Variants in LRRC4C observed in about 807,000 individuals in gnomAD.
LRRC4C encodes leucine-rich repeat-containing protein 4C.
LRRC4C carries 5 observed loss-of-function variants against 33.6 expected under a neutral mutation model. The observed-to-expected ratio is 0.15, with a 90% CI of 0.08 to 0.31. The LOEUF is 0.31. Among genes scored for constraint, LRRC4C ranks in the 10% least tolerant of loss-of-function variants. The probability of loss-of-function intolerance (pLI) is 1.00; values close to 1 mark genes in which losing one functional copy is unlikely to be tolerated. For synonymous variants in LRRC4C, 329 were observed against 302.0 expected, an observed-to-expected ratio of 1.09 and a Z score of -0.93; for missense variants, 560 against 796.7, an observed-to-expected ratio of 0.70 and a Z score of 3.58.
chr11:40,193,043 G>A (rs571603870), intron 5 of LRRC4C, among the ~76,000 whole-genome samples: 11 of 152,314 alleles, frequency 7.2e-5, no homozygotes, highest in African/African-American at 2.4e-4. Flanking sequence ...AGACTTAAAT[G>A]TTCCCGTATG....
chr11:41,415,909 A>G (rs892764489), intron 1 of LRRC4C, among the ~76,000 whole-genome samples: 2 of 151,990 alleles, frequency 1.3e-5, no homozygotes, highest in African/African-American at 4.8e-5. Flanking sequence ...AGAGGTAAGG[A>G]GGATTATTTC....
At chr11:40,677,154 G>C (rs1385745674) in intron 2 of LRRC4C, among the ~76,000 whole-genome samples, 2 of 152,124 alleles carry the variant, frequency 1.3e-5, no homozygotes, top group African/African-American at 4.8e-5. Context: ...GGGAGGCAGA[G>C]AGGGGTGGAT....
intron 5 of LRRC4C, among the ~76,000 whole-genome samples, chr11:40,154,834 C>T (rs1269724213): frequency 6.6e-6 from 1 of 152,150 alleles, no homozygotes; most frequent in Non-Finnish European, 1.5e-5. Context: ...TGGATTTAAA[C>T]TATACCTTGG....
chr11:40,356,968 T>G (rs117711688), intron 3 of LRRC4C, among the ~76,000 whole-genome samples: 2,554 of 152,290 alleles, frequency 0.017, 33 homozygotes, highest in Non-Finnish European at 0.025. Flanking sequence ...TTAAGTAACT[T>G]GTTCAAGGTC....
At chr11:41,214,911 G>A (rs1019210642) in intron 1 of LRRC4C, among the ~76,000 whole-genome samples, 7 of 146,652 alleles carry the variant, frequency 4.8e-5, no homozygotes, top group Non-Finnish European at 1.0e-4. Flanking sequence ...AAATAGAAAT[G>A]TTTATAAAGA....
In LRRC4C at chr11:40,115,292, G is replaced by A. The variant is rs1032228641; in HGVS notation, c.1001C>T (p.Pro334Leu). ...TCCAATGTACCTCCCCTTTAGATTG[G>A]GAGGAGTGTTACACCGGGCACAACA... ...TACCARCNTP[P>L]NLKGRYIGEL... The change falls in exon 7 of 7, where the codon CCC (proline) becomes CTC (leucine). Residue 334 changes from proline (P) to leucine (L), a missense_variant. Pro to Leu is a moderately conservative substitution (Grantham distance 98). Transcript: ENST00000528697. This position sits in a 1 kb window ranked among gnomAD's most constrained non-coding sequence, Gnocchi z 6.7. 7 of 1,614,040 alleles carry A rather than the reference G, an allele frequency of 4.3e-6. No individual in the cohort carries two copies. Among genetic ancestry groups the A allele is most frequent in the Admixed American group, 1.7e-5 (1 of 59,988 alleles).
intron 1 of LRRC4C, among the ~76,000 whole-genome samples, chr11:41,108,263 G>C (rs114386342): frequency 0.019 from 2,881 of 151,988 alleles, 93 homozygotes; most frequent in African/African-American, 0.065. Context: ...ATGTCCACAC[G>C]CCCATTTTCA....
intron 1 of LRRC4C, among the ~76,000 whole-genome samples, chr11:40,966,419 T>A (rs1255710496): frequency 1.3e-5 from 2 of 151,932 alleles, no homozygotes; most frequent in African/African-American, 4.8e-5. Context: ...TGGGGCTAAG[T>A]GAGCTGACCA....
chr11:40,257,748 TATG>T, intron 4 of LRRC4C, among the ~76,000 whole-genome samples: 1 of 152,304 alleles, frequency 6.6e-6, no homozygotes, highest in East Asian at 1.9e-4. Flanking sequence ...GATGTCTGGA[TATG>T]ATGCCTGCAA....
intron 3 of LRRC4C, among the ~76,000 whole-genome samples, chr11:40,486,944 A>C (rs961389836): frequency 6.6e-6 from 1 of 152,170 alleles, no homozygotes; most frequent in East Asian, 1.9e-4. Flanking sequence ...TCACTCTTTC[A>C]ATCTTTTTTG....
intron 2 of LRRC4C, among the ~76,000 whole-genome samples, chr11:40,774,078 A>C (rs1010799413): frequency 4.6e-5 from 7 of 152,252 alleles, no homozygotes; most frequent in Admixed American, 6.5e-5. Context: ...TGGGCTTTTT[A>C]AATATTTTCT....
At chr11:40,783,266 C>A (rs1950286303) in intron 2 of LRRC4C, among the ~76,000 whole-genome samples, 1 of 150,132 alleles carries the variant, frequency 6.7e-6, no homozygotes, top group African/African-American at 2.5e-5. Context: ...GCTAAGTGAG[C>A]ACTGTTTTAT....
At chr11:40,722,681 T>C (rs1015116001) in intron 2 of LRRC4C, among the ~76,000 whole-genome samples, 17 of 152,160 alleles carry the variant, frequency 1.1e-4, no homozygotes, top group African/African-American at 4.1e-4. Flanking sequence ...GCAAGAACTC[T>C]AGAAATTCAA....
At chr11:40,846,337 T>C (rs1229812271) in intron 2 of LRRC4C, among the ~76,000 whole-genome samples, 9 of 152,178 alleles carry the variant, frequency 5.9e-5, no homozygotes, top group Non-Finnish European at 1.3e-4. Flanking sequence ...CTTTAATCCA[T>C]CTTAAGTTAA....
chr11:41,259,276 T>C (rs1382862501), intron 1 of LRRC4C, among the ~76,000 whole-genome samples: 1 of 152,034 alleles, frequency 6.6e-6, no homozygotes, highest in African/African-American at 2.4e-5. Flanking sequence ...TAGTATTTTG[T>C]GTTATTTTTC....
chr11:41,012,246 C>G (rs1262373017), intron 1 of LRRC4C, among the ~76,000 whole-genome samples: 1 of 151,948 alleles, frequency 6.6e-6, no homozygotes, highest in Admixed American at 6.6e-5. Context: ...TTTCCCCTAC[C>G]CTTCTCAGCC....
chr11:41,445,556 C>T (rs976453065), intron 1 of LRRC4C, among the ~76,000 whole-genome samples: 2 of 151,946 alleles, frequency 1.3e-5, no homozygotes, highest in Admixed American at 1.3e-4. Flanking sequence ...TGTATGGAGG[C>T]AGAGTGAATG....
intron 5 of LRRC4C, among the ~76,000 whole-genome samples, chr11:40,228,380 T>C (rs1864961206): frequency 6.6e-6 from 1 of 152,172 alleles, no homozygotes; most frequent in Non-Finnish European, 1.5e-5. Flanking sequence ...GTTTGGACTT[T>C]ATTCCAAGAA....
At position 41,344,406 on chromosome 11, in the gene LRRC4C, G is replaced by A. The variant is rs528835127; in HGVS notation, c.-496+115025C>T. 7.9e-5 allele frequency among the ~76,000 whole-genome samples: 12 copies of A among 152,126 alleles called. No homozygotes were observed. In the South Asian group the frequency reaches 2.3e-3, roughly 29 times the overall value. On this transcript the variant is annotated intron_variant, in intron 1 of 6. Transcript: ENST00000528697. ...TGGCTAATTTTTTGTATTTTTAGTA[G>A]AGACGGTGTTTCACCGTGTTAGCCA...
Sources: allele counts gnomAD v4.1 joint callset (sites outside exome capture counted in the v4.1 genomes callset), GRCh38; gene constraint gnomAD v4.1.1; non-coding constraint Gnocchi (gnomAD v3.1); transcripts MANE v1.5; gene names NCBI Gene and HGNC (gene_info 2026-07-23, HGNC 2026-07-21).